Variants in SRGAP2 observed in about 807,000 individuals in gnomAD.
SRGAP2 encodes the protein SLIT-ROBO Rho GTPase-activating protein 2.
In SRGAP2, 15 loss-of-function variants were observed where a neutral mutation model predicts 57.2. That is an observed-to-expected ratio of 0.26 (90% confidence interval 0.18 to 0.40). The LOEUF is 0.40. SRGAP2 is among the 10% of genes least tolerant of loss of function. The probability of loss-of-function intolerance (pLI) is 1.00; values close to 1 mark genes in which losing one functional copy is unlikely to be tolerated. For synonymous variants in SRGAP2, 249 were observed against 248.0 expected (o/e 1.00, Z -0.04); for missense variants, 520 against 669.6 (o/e 0.78, Z 2.47).
At chr1:206,260,892 T>C (rs561003124) in intron 2 of SRGAP2, among the ~76,000 whole-genome samples, 43 of 152,398 alleles carry the variant, frequency 2.8e-4, no homozygotes, top group African/African-American at 9.9e-4. Flanking sequence ...GTTTTGTTGG[T>C]TGATAAATTC....
chr1:206,217,233 TA>T (rs1666705047), intron 2 of SRGAP2, among the ~76,000 whole-genome samples: 2 of 152,238 alleles, frequency 1.3e-5, no homozygotes, highest in South Asian at 4.2e-4. Context: ...GCGGTGGAGA[TA>T]CTGCACTAGA....
chr1:206,368,024 A>AT (rs1558354104), intron 4 of SRGAP2, among the ~76,000 whole-genome samples: 1 of 151,930 alleles, frequency 6.6e-6, no homozygotes, highest in Non-Finnish European at 1.5e-5. Flanking sequence ...ACTTCTTTCA[A>AT]TTTTTTTATG....
chr1:206,438,534 A>G (rs1661981474), intron 16 of SRGAP2, among the ~76,000 whole-genome samples: 2 of 152,238 alleles, frequency 1.3e-5, no homozygotes, highest in Non-Finnish European at 2.9e-5. Flanking sequence ...TCTAGGAACA[A>G]AAGCCCTCTG....
intron 14 of SRGAP2, among the ~76,000 whole-genome samples, chr1:206,430,767 C>T (rs1464645874): frequency 1.3e-5 from 2 of 152,216 alleles, no homozygotes; most frequent in African/African-American, 4.8e-5. Flanking sequence ...AGGCAGGCTG[C>T]TTCTCAGCCT....
intron 2 of SRGAP2, among the ~76,000 whole-genome samples, chr1:206,258,317 T>TA (rs1401141297): frequency 1.4e-4 from 22 of 152,322 alleles, no homozygotes; most frequent in African/African-American, 5.1e-4. Flanking sequence ...ACAGAGAACA[T>TA]ATGGCCCAGA....
intron 2 of SRGAP2, among the ~76,000 whole-genome samples, chr1:206,239,733 A>G (rs1553308717): frequency 6.6e-6 from 1 of 151,716 alleles, no homozygotes. Flanking sequence ...GCTGGGAATT[A>G]CAGGCATAAG....
At chr1:206,358,998 A>G (rs566918420) in intron 4 of SRGAP2, among the ~76,000 whole-genome samples, 1 of 152,196 alleles carries the variant, frequency 6.6e-6, no homozygotes, top group Non-Finnish European at 1.5e-5. Context: ...AAACAGATTC[A>G]TGAAAAGTGA....
intron 2 of SRGAP2, among the ~76,000 whole-genome samples, chr1:206,298,823 G>A (rs1323437652): frequency 8.5e-5 from 13 of 152,094 alleles, no homozygotes; most frequent in Non-Finnish European, 1.8e-4. Flanking sequence ...TTCCGCTATT[G>A]ATGATTTTTA....
intron 4 of SRGAP2, among the ~76,000 whole-genome samples, chr1:206,367,230 C>G (rs1296198377): frequency 6.6e-6 from 1 of 152,122 alleles, no homozygotes; most frequent in Admixed American, 6.5e-5. Flanking sequence ...AAAACTGATA[C>G]ATCAAGAATA....
At chr1:206,386,856 G>T (rs1262399034) in intron 5 of SRGAP2, among the ~76,000 whole-genome samples, 2 of 150,380 alleles carry the variant, frequency 1.3e-5, no homozygotes, top group African/African-American at 4.9e-5. Flanking sequence ...CGGGCACAGT[G>T]GCTCATGCCC....
chr1:206,363,921 CTA>C (rs1340131985), intron 4 of SRGAP2, among the ~76,000 whole-genome samples: 5 of 152,062 alleles, frequency 3.3e-5, no homozygotes, highest in African/African-American at 1.2e-4. Flanking sequence ...TGTAAATATC[CTA>C]TTTCTCCTCA....
intron 5 of SRGAP2, among the ~76,000 whole-genome samples, chr1:206,389,428 G>A (rs1257445787): frequency 3.3e-5 from 5 of 152,062 alleles, no homozygotes; most frequent in African/African-American, 1.2e-4. Context: ...CCGCCCGCCT[G>A]GGCCTCCCAA....
chr1:206,295,679 T>C (rs1234565964), intron 2 of SRGAP2, among the ~76,000 whole-genome samples: 2 of 150,956 alleles, frequency 1.3e-5, no homozygotes, highest in African/African-American at 4.9e-5. Context: ...TTCTGTACTA[T>C]ATAATTATAT....
At position 206,415,863 on chromosome 1, in the gene SRGAP2, C is replaced by G. The variant is rs1032840968; in HGVS notation, c.1357-26C>G. ...TTCTTCTTCTTCAGGAGTCTGATTG[C>G]TCTTTTTCCTCCTCCTCTCTTACAG... is the stretch of plus-strand genomic sequence containing the variant. On this transcript the variant is annotated intron_variant, in intron 10 of 22. Transcript: ENST00000573034. The G allele has an allele frequency of 1.3e-5, 10 of 770,654 alleles. No homozygotes were observed. In the Admixed American group the frequency reaches 1.6e-4, roughly 12 times the overall value. 47.7% of individuals were successfully genotyped at this position (770,654 alleles called of 1,614,324 possible).
At chr1:206,383,551 CT>C (rs1553347690) in intron 4 of SRGAP2, among the ~76,000 whole-genome samples, 1 of 152,086 alleles carries the variant, frequency 6.6e-6, no homozygotes, top group Non-Finnish European at 1.5e-5. Flanking sequence ...TTCCATCCTG[CT>C]TGGAGTTTTC....
chr1:206,310,199 A>T (rs765328358), intron 3 of SRGAP2, among the ~76,000 whole-genome samples: 1 of 151,592 alleles, frequency 6.6e-6, no homozygotes, highest in Non-Finnish European at 1.5e-5. Context: ...TGGCAATTTC[A>T]TATGGTACAG....
intron 7 of SRGAP2, among the ~76,000 whole-genome samples, chr1:206,397,773 A>G (rs1657746216): frequency 7.3e-6 from 1 of 137,878 alleles, no homozygotes; most frequent in Non-Finnish European, 1.5e-5. Context: ...AGAACAGGGC[A>G]TTGTCCTCAT....
chr1:206,248,462 T>A (rs1553310464), intron 2 of SRGAP2, among the ~76,000 whole-genome samples: 1 of 152,168 alleles, frequency 6.6e-6, no homozygotes, highest in Non-Finnish European at 1.5e-5. Flanking sequence ...ATGGATTCAC[T>A]CAGGGGAGGG....
At chr1:206,237,219 A>ACCACTGCACTCCAGTCTGGGCGACAGAG (rs1553308331) in intron 2 of SRGAP2, among the ~76,000 whole-genome samples, 7 of 152,044 alleles carry the variant, frequency 4.6e-5, no homozygotes, top group Non-Finnish European at 7.4e-5. Flanking sequence ...CCGAGATCAC[A>ACCACTGCACTCCAGTCTGGGCGACAGAG]CCACTGCACT....
Sources: allele counts gnomAD v4.1 joint callset (sites outside exome capture counted in the v4.1 genomes callset), GRCh38; gene constraint gnomAD v4.1.1; transcripts MANE v1.5; gene names NCBI Gene and HGNC (gene_info 2026-07-23, HGNC 2026-07-21).